Variants in KCTD8 observed in about 807,000 individuals in gnomAD.
The protein encoded by KCTD8 is BTB/POZ domain-containing protein KCTD8.
Under a neutral mutation model 31.5 loss-of-function variants are expected in KCTD8, and 27 were observed. The observed-to-expected ratio is 0.86, with a 90% CI of 0.63 to 1.18. KCTD8 has a LOEUF of 1.18. KCTD8 is among the 50% of genes most tolerant of loss of function. The probability of loss-of-function intolerance (pLI) is 0.00; values close to 1 mark genes in which losing one functional copy is unlikely to be tolerated. For missense variants in KCTD8, 658 were observed against 647.7 expected (o/e 1.02, Z -0.17); for synonymous variants, 290 against 280.0 (o/e 1.04, Z -0.36).
chr4:44,222,448 A>G (rs1053796644), intron 1 of KCTD8, among the ~76,000 whole-genome samples: 1 of 152,192 alleles, frequency 6.6e-6, no homozygotes, highest in Non-Finnish European at 1.5e-5. Context: ...TACCTTCTCC[A>G]CAGTTGCATA....
At chr4:44,412,570 C>T (rs1388341662) in intron 1 of KCTD8, among the ~76,000 whole-genome samples, 1 of 152,110 alleles carries the variant, frequency 6.6e-6, no homozygotes, top group Non-Finnish European at 1.5e-5. Flanking sequence ...ATTCTGAATG[C>T]ATCACATCTA....
At chr4:44,263,324 G>A (rs1716239627) in intron 1 of KCTD8, among the ~76,000 whole-genome samples, 1 of 151,980 alleles carries the variant, frequency 6.6e-6, no homozygotes, top group Non-Finnish European at 1.5e-5. Context: ...TCATATCTCT[G>A]GGTTCTTTCA....
intron 1 of KCTD8, among the ~76,000 whole-genome samples, chr4:44,210,495 T>C (rs16856799): frequency 0.032 from 4,855 of 152,288 alleles, 260 homozygotes; most frequent in African/African-American, 0.11. Flanking sequence ...GAAGTGGTTG[T>C]TTTACTGTTA....
At chr4:44,426,920 G>C (rs926311026) in intron 1 of KCTD8, among the ~76,000 whole-genome samples, 1 of 151,622 alleles carries the variant, frequency 6.6e-6, no homozygotes, top group South Asian at 2.1e-4. Context: ...ATTCCAAAAT[G>C]AGATATTAGC....
chr4:44,296,024 G>A (rs755372641), intron 1 of KCTD8, among the ~76,000 whole-genome samples: 1 of 151,970 alleles, frequency 6.6e-6, no homozygotes, highest in Non-Finnish European at 1.5e-5. Flanking sequence ...GGTTTCCCTT[G>A]GTTTAAATAT....
At chr4:44,371,860 T>C (rs1719795412) in intron 1 of KCTD8, among the ~76,000 whole-genome samples, 1 of 152,192 alleles carries the variant, frequency 6.6e-6, no homozygotes, top group Admixed American at 6.5e-5. Context: ...TCTTATTTTT[T>C]ATTAAGGTTC....
chr4:44,335,511 T>C (rs985523644), intron 1 of KCTD8, among the ~76,000 whole-genome samples: 1 of 152,130 alleles, frequency 6.6e-6, no homozygotes, highest in African/African-American at 2.4e-5. Context: ...TGTTGGGGTG[T>C]TGGTGGAGCC....
At chr4:44,310,165 T>C (rs1336192906) in intron 1 of KCTD8, among the ~76,000 whole-genome samples, 1 of 152,136 alleles carries the variant, frequency 6.6e-6, no homozygotes, top group Non-Finnish European at 1.5e-5. Context: ...TTAAAACTTA[T>C]GTAGTCCAGT....
At chr4:44,359,367 G>A (rs1221496002) in intron 1 of KCTD8, among the ~76,000 whole-genome samples, 2 of 151,986 alleles carry the variant, frequency 1.3e-5, no homozygotes, top group Non-Finnish European at 2.9e-5. Flanking sequence ...TATTAGAACA[G>A]TAGGATGAAG....
At chr4:44,370,511 A>T (rs1246640713) in intron 1 of KCTD8, among the ~76,000 whole-genome samples, 1 of 152,196 alleles carries the variant, frequency 6.6e-6, no homozygotes, top group Non-Finnish European at 1.5e-5. Context: ...TGCCTCAAGG[A>T]TCACAGGATT....
At chr4:44,347,802 T>TA (rs1306408854) in intron 1 of KCTD8, among the ~76,000 whole-genome samples, 1 of 152,164 alleles carries the variant, frequency 6.6e-6, no homozygotes, top group Non-Finnish European at 1.5e-5. Context: ...ATTATATGCA[T>TA]AAAACGGAAT....
chr4:44,269,364 C>A (rs1388456312), intron 1 of KCTD8, among the ~76,000 whole-genome samples: 1 of 151,734 alleles, frequency 6.6e-6, no homozygotes, highest in East Asian at 1.9e-4. Flanking sequence ...TGGATCCCTT[C>A]CTTATACCTT....
In KCTD8 at chr4:44,447,835, C is replaced by T. The variant is rs1721984267; in HGVS notation, c.689G>A (p.Arg230Gln). 6.3e-7 allele frequency: 1 copy of T among 1,592,580 alleles called. No homozygotes were observed. The highest frequency in any genetic ancestry group is 2.3e-5 in the East Asian group (1 of 43,782). The change falls in exon 1 of 2, where the codon CGG (arginine) becomes CAG (glutamine). Residue 230 changes from arginine to glutamine, a missense_variant. Transcript: ENST00000360029. ...VRDNQADAKF[R>Q]RVARIMVCGR... ...GCACACCATGATGCGCGCCACACGC[C>T]GGAATTTGGCGTCGGCCTGGTTGTC...
rs1719054734 is a variant in KCTD8, at chr4:44,347,075, G to T, written c.961+100488C>A. Among the ~76,000 whole-genome samples the T allele has an allele frequency of 2.0e-5, 3 of 152,118 alleles. No homozygotes were observed. In the South Asian group the frequency reaches 6.2e-4, roughly 31 times the overall value. ...TCAAATACAGCCATGTTATGGTTGGGGGTGTAAGCAGAGACTGCTGCTCAG... is the reference window on the plus strand; with the variant it reads ...TCAAATACAGCCATGTTATGGTTGGTGGTGTAAGCAGAGACTGCTGCTCAG... On this transcript the variant is annotated intron_variant, in intron 1 of 1. Coordinates refer to ENST00000360029, the MANE Select transcript of KCTD8 (RefSeq NM_198353.3).
intron 1 of KCTD8, among the ~76,000 whole-genome samples, chr4:44,252,280 G>T (rs1363384454): frequency 6.6e-6 from 1 of 151,062 alleles, no homozygotes; most frequent in Non-Finnish European, 1.5e-5. Flanking sequence ...TGATGGGCTA[G>T]TTCCATATTT....
chr4:44,290,942 A>G (rs1191114620), intron 1 of KCTD8, among the ~76,000 whole-genome samples: 1 of 152,146 alleles, frequency 6.6e-6, no homozygotes, highest in Non-Finnish European at 1.5e-5. Flanking sequence ...AGTTAGAAGA[A>G]GAACAGAAAT....
At chr4:44,408,150 G>T (rs1029083107) in intron 1 of KCTD8, among the ~76,000 whole-genome samples, 6 of 152,106 alleles carry the variant, frequency 3.9e-5, no homozygotes, top group Non-Finnish European at 8.8e-5. Flanking sequence ...TTGAACCTTG[G>T]CTTCATTACC....
chr4:44,405,621 T>A (rs1228824401), intron 1 of KCTD8, among the ~76,000 whole-genome samples: 1 of 152,032 alleles, frequency 6.6e-6, no homozygotes, highest in Non-Finnish European at 1.5e-5. Flanking sequence ...CCAGATTTAA[T>A]GTTACTCTTC....
chr4:44,448,600 C>A lies in KCTD8; in HGVS notation c.-77G>T. The A allele has an allele frequency of 7.4e-7, 1 of 1,347,440 alleles. No individual in the cohort carries two copies. Among genetic ancestry groups the A allele is most frequent in the East Asian group, 2.9e-5 (1 of 34,718 alleles). 83.5% of individuals were successfully genotyped at this position (1,347,440 alleles called of 1,614,324 possible). ...CCGGAGCCCGCGCCCCAGCCCTCCGCGTGCTCCTGGCGCTCTGCGCCCTCG... is the reference window on the plus strand; with the variant it reads ...CCGGAGCCCGCGCCCCAGCCCTCCGAGTGCTCCTGGCGCTCTGCGCCCTCG... On this transcript the variant is annotated 5_prime_UTR_variant, in exon 1 of 2. Coordinates refer to ENST00000360029, the MANE Select transcript of KCTD8 (RefSeq NM_198353.3). The surrounding 1 kb of genome is among the most constrained non-coding windows in gnomAD (Gnocchi z 4.1).
Sources: allele counts gnomAD v4.1 joint callset (sites outside exome capture counted in the v4.1 genomes callset), GRCh38; gene constraint gnomAD v4.1.1; non-coding constraint Gnocchi (gnomAD v3.1); transcripts MANE v1.5; gene names NCBI Gene and HGNC (gene_info 2026-07-23, HGNC 2026-07-21).